MYO1D: variants seen among roughly 807,000 people sequenced by gnomAD.
The protein encoded by MYO1D is myosin ID.
Under a neutral mutation model 122.0 loss-of-function variants are expected in MYO1D, and 83 were observed. That is an observed-to-expected ratio of 0.68 (90% CI 0.57 to 0.82). MYO1D has a LOEUF of 0.82. Among genes scored for constraint, MYO1D ranks in the 40% least tolerant of loss-of-function variants. MYO1D has a pLI of 0.00. For synonymous variants in MYO1D, 464 were observed against 446.9 expected (o/e 1.04, Z -0.48); for missense variants, 1,157 against 1,269.5 (o/e 0.91, Z 1.35).
chr17:32,497,542 G>C (rs141841796), intron 21 of MYO1D: 18 of 152,412 alleles, frequency 1.2e-4, no homozygotes, highest in African/African-American at 4.1e-4. Context: ...CACTGCTCCA[G>C]ATTGCTGCTT....
intron 1 of MYO1D, among the ~76,000 whole-genome samples, chr17:32,848,694 G>A (rs2090959255): frequency 6.6e-6 from 1 of 152,086 alleles, no homozygotes; most frequent in African/African-American, 2.4e-5. Flanking sequence ...TGTTTCTGTG[G>A]GGTATCAGTC....
intron 1 of MYO1D, among the ~76,000 whole-genome samples, chr17:32,863,537 C>A (rs561110495): frequency 6.6e-6 from 1 of 152,284 alleles, no homozygotes; most frequent in East Asian, 1.9e-4. Flanking sequence ...ACACAGAAAG[C>A]AACGATAGAA....
intron 20 of MYO1D, among the ~76,000 whole-genome samples, chr17:32,610,761 T>A (rs557465927): frequency 1.3e-5 from 2 of 152,284 alleles, no homozygotes; most frequent in South Asian, 4.1e-4. Context: ...AAAATATAAT[T>A]TTAAAACCTT....
intron 1 of MYO1D, among the ~76,000 whole-genome samples, chr17:32,811,443 C>T (rs2090571017): frequency 6.6e-6 from 1 of 152,126 alleles, no homozygotes; most frequent in African/African-American, 2.4e-5. Flanking sequence ...CAGCCCCAAT[C>T]CTTGGTCTGA....
intron 1 of MYO1D, among the ~76,000 whole-genome samples, chr17:32,796,644 G>C (rs577330305): frequency 6.6e-6 from 1 of 152,174 alleles, no homozygotes; most frequent in Non-Finnish European, 1.5e-5. Context: ...GAACTCCTAA[G>C]CTCAAGCAAT....
At chr17:32,815,442 A>C (rs893399854) in intron 1 of MYO1D, among the ~76,000 whole-genome samples, 1 of 152,254 alleles carries the variant, frequency 6.6e-6, no homozygotes, top group Non-Finnish European at 1.5e-5. Context: ...TGTGAGAACT[A>C]TCTCTAAAGT....
At position 32,572,111 on chromosome 17, in the gene MYO1D, C is replaced by G. The variant is rs533333486; in HGVS notation, c.2864+32976G>C. Among the ~76,000 whole-genome samples the G allele has an allele frequency of 5.3e-5, 8 of 152,140 alleles. 1 individual carries two copies. Among genetic ancestry groups the G allele is most frequent in the African/African-American group, 1.7e-4 (7 of 41,462 alleles). On this transcript the variant is annotated intron_variant, in intron 21 of 21. Transcript: ENST00000318217. ...ATCAATAGTTGTATTACTTCTTGAC[C>G]ACATTAAATAATATATGTATCCTTT... is the stretch of plus-strand genomic sequence containing the variant.
intron 13 of MYO1D, among the ~76,000 whole-genome samples, chr17:32,744,618 T>C (rs1226689633): frequency 6.6e-6 from 1 of 152,224 alleles, no homozygotes; most frequent in Non-Finnish European, 1.5e-5. Context: ...CTTTAACCCA[T>C]AGAAAGATGA....
At chr17:32,739,272 A>G (rs1380894825) in intron 13 of MYO1D, among the ~76,000 whole-genome samples, 1 of 152,094 alleles carries the variant, frequency 6.6e-6, no homozygotes, top group East Asian at 1.9e-4. Flanking sequence ...GACTGGATTA[A>G]GAAAATGTGG....
Position 32,494,163 on chromosome 17 carries a change from TG to T in MYO1D, c.*595del, listed in dbSNP as rs1194631069. ...CCTGGGAAGGATGGACTCACTCTGC[TG>T]GATGGGCTGTTCCGCTCCTGCCACT... On this transcript the variant is annotated 3_prime_UTR_variant, in exon 22 of 22. Coordinates refer to ENST00000318217, the MANE Select transcript of MYO1D (RefSeq NM_015194.3). 6.5e-6 allele frequency: 1 copy of T among 153,618 alleles called. No individual in the cohort carries two copies. The highest frequency in any genetic ancestry group is 1.4e-5 in the Non-Finnish European group (1 of 69,122). 9.5% of individuals were successfully genotyped at this position (153,618 alleles called of 1,614,324 possible).
intron 16 of MYO1D, among the ~76,000 whole-genome samples, chr17:32,692,763 T>C (rs1358664587): frequency 6.6e-6 from 1 of 152,162 alleles, no homozygotes; most frequent in African/African-American, 2.4e-5. Flanking sequence ...CTGAGGATGG[T>C]TCCTGGACTT....
intron 20 of MYO1D, among the ~76,000 whole-genome samples, chr17:32,624,731 T>G (rs545499807): frequency 3.3e-5 from 5 of 150,724 alleles, no homozygotes; most frequent in African/African-American, 1.2e-4. Flanking sequence ...GTGCTGTTTT[T>G]TCCCCCCTAA....
chr17:32,736,532 C>T (rs924138390), intron 14 of MYO1D, among the ~76,000 whole-genome samples: 15 of 152,142 alleles, frequency 9.9e-5, no homozygotes, highest in Non-Finnish European at 1.9e-4. Flanking sequence ...TCCTGGGATG[C>T]CTTCTTCTAT....
At chr17:32,552,456 C>T (rs1258292360) in intron 21 of MYO1D, among the ~76,000 whole-genome samples, 2 of 151,846 alleles carry the variant, frequency 1.3e-5, no homozygotes, top group East Asian at 1.9e-4. Context: ...ATCCATCCAT[C>T]CATCCATTCA....
At chr17:32,641,744 G>A (rs2088204226) in intron 19 of MYO1D, among the ~76,000 whole-genome samples, 1 of 152,180 alleles carries the variant, frequency 6.6e-6, no homozygotes, top group African/African-American at 2.4e-5. Flanking sequence ...TTTGAGAAGT[G>A]TCTGTTCATA....
At position 32,843,858 on chromosome 17, in the gene MYO1D, T is replaced by C. The variant is rs185738154; in HGVS notation, c.95+32920A>G. ...CATTCTGGAGAACTCTTATTCTCTG[T>C]TGAAATAACACCACTTTTCTATATG... On this transcript the variant is annotated intron_variant, in intron 1 of 21. Coordinates refer to ENST00000318217, the MANE Select transcript of MYO1D (RefSeq NM_015194.3). 1.6e-3 allele frequency among the ~76,000 whole-genome samples: 246 copies of C among 152,318 alleles called. 1 individual carries two copies. The highest frequency in any genetic ancestry group is 5.6e-3 in the African/African-American group (234 of 41,586).
At chr17:32,729,891 G>A (rs1215096893) in intron 14 of MYO1D, among the ~76,000 whole-genome samples, 7 of 152,102 alleles carry the variant, frequency 4.6e-5, no homozygotes, top group African/African-American at 1.2e-4. Flanking sequence ...CCAGACTGTC[G>A]AACTGATATA....
intron 1 of MYO1D, among the ~76,000 whole-genome samples, chr17:32,836,607 ATAGTGT>A (rs765070058): frequency 2.0e-4 from 30 of 152,142 alleles, no homozygotes; most frequent in Non-Finnish European, 4.0e-4. Context: ...TTTGTTCAAC[ATAGTGT>A]TAGTGAGAAT....
chr17:32,672,269 G>C (rs2088732555), intron 16 of MYO1D, among the ~76,000 whole-genome samples: 1 of 152,110 alleles, frequency 6.6e-6, no homozygotes, highest in African/African-American at 2.4e-5. Context: ...GCTCTGTCTG[G>C]CTCCAAGAAT....
Sources: allele counts gnomAD v4.1 joint callset (sites outside exome capture counted in the v4.1 genomes callset), GRCh38; gene constraint gnomAD v4.1.1; transcripts MANE v1.5; gene names NCBI Gene and HGNC (gene_info 2026-07-23, HGNC 2026-07-21).